The following IQCH variants were observed in gnomAD, a reference collection of about 807,000 sequenced individuals.
The protein encoded by IQCH is IQ domain-containing protein H.
A neutral mutation model predicts 117.0 loss-of-function variants in IQCH; 98 were observed. The ratio of observed to expected loss-of-function variants is 0.84; its 90% CI spans 0.71 to 0.99. IQCH has a LOEUF of 0.99. Among genes scored for constraint, IQCH ranks in the 50% least tolerant of loss-of-function variants. The pLI is 0.00. For missense variants in IQCH, 1,102 were observed against 1,243.8 expected, an observed-to-expected ratio of 0.89 and a Z score of 1.72; for synonymous variants, 412 against 448.2, an observed-to-expected ratio of 0.92 and a Z score of 1.02.
chr15:67,465,367 C>T lies in IQCH; in HGVS notation c.2676+70C>T. The T allele has an allele frequency of 6.7e-7, 1 of 1,490,884 alleles. No homozygotes were observed. The highest frequency in any genetic ancestry group is 9.2e-7 in the Non-Finnish European group (1 of 1,092,734). 92.4% of individuals were successfully genotyped at this position (1,490,884 alleles called of 1,614,324 possible). A position where few individuals can be genotyped will look rare whatever the true frequency, so the allele number is the denominator to read the frequency against. On this transcript the variant is annotated intron_variant, in intron 17 of 20. Coordinates refer to ENST00000335894, the MANE Select transcript of IQCH (RefSeq NM_001031715.3). This position sits in a 1 kb window ranked among gnomAD's most constrained non-coding sequence, Gnocchi z 5.9. ...CCCACTGCCACTGCCTGAGCTCTGT[C>T]TAGGAGCCAGGATCTTTGAGTACAG...
rs36050088 is a variant in IQCH at position 67,474,067 on chromosome 15, AGTGT to A, written c.2677-1595_2677-1592del. On this transcript the variant is annotated intron_variant, in intron 17 of 20. Coordinates refer to ENST00000335894, the MANE Select transcript of IQCH (RefSeq NM_001031715.3). The surrounding 1 kb of genome is among the most constrained non-coding windows in gnomAD (Gnocchi z 4.1). ...GTCACCAAAAGTGCCACGAAATCTGAGTGTGTGTGTGTGTGTGTGTGTGTGTGTG... is the reference window on the plus strand; with the variant it reads ...GTCACCAAAAGTGCCACGAAATCTGAGTGTGTGTGTGTGTGTGTGTGTGTG... 6.6e-3 allele frequency among the ~76,000 whole-genome samples: 909 copies of A among 138,276 alleles called. 2 individuals carry two copies. Among genetic ancestry groups the A allele is most frequent in the African/African-American group, 9.1e-3 (339 of 37,070 alleles). The allele number at this position is 138,276 out of a possible 152,430, so 90.7% of individuals were successfully genotyped here. A position where few individuals can be genotyped will look rare whatever the true frequency, so the allele number is the denominator to read the frequency against.
intron 3 of IQCH, among the ~76,000 whole-genome samples, chr15:67,269,215 A>AT (rs1965801544): frequency 6.6e-6 from 1 of 152,168 alleles, no homozygotes; most frequent in Admixed American, 6.5e-5. Context: ...ATATATTACT[A>AT]TTTTTTCTTT....
rs989474730 is a variant in IQCH at position 67,479,345 on chromosome 15, C to T, written c.2799+3527C>T. Among the ~76,000 whole-genome samples, 8 of 152,276 alleles carry T rather than the reference C, an allele frequency of 5.3e-5. No homozygotes were observed. Among genetic ancestry groups the T allele is most frequent in the Non-Finnish European group, 1.0e-4 (7 of 68,028 alleles). On this transcript the variant is annotated intron_variant, in intron 18 of 20. Coordinates refer to ENST00000335894, the MANE Select transcript of IQCH (RefSeq NM_001031715.3). This position sits in a 1 kb window ranked among gnomAD's most constrained non-coding sequence, Gnocchi z 4.6. Reference sequence around the variant, plus strand: ...ATTTTGTGGAACTGACATTTGAACCCGTAATTGTCTACAAAGTCAAGCATG... The same window carrying T: ...ATTTTGTGGAACTGACATTTGAACCTGTAATTGTCTACAAAGTCAAGCATG...
chr15:67,466,474 C>T lies in IQCH; in HGVS notation c.2676+1177C>T, dbSNP rs2082936140. The T allele has an allele frequency of 6.6e-6, 1 of 152,222 alleles. No homozygotes were observed. The highest frequency in any genetic ancestry group is 2.4e-5 in the African/African-American group (1 of 41,446). 9.4% of individuals were successfully genotyped at this position (152,222 alleles called of 1,614,324 possible). On this transcript the variant is annotated intron_variant, in intron 17 of 20. Transcript: ENST00000335894. The surrounding 1 kb of genome is among the most constrained non-coding windows in gnomAD (Gnocchi z 4.4). The stretch of plus-strand genomic sequence containing the variant: ...AACTCTAGTGATTAATGGGACCCAA[C>T]ATGAGTGTCCCAGAGATACCTTTTC...
intron 4 of IQCH, among the ~76,000 whole-genome samples, chr15:67,314,723 C>T (rs1967766239): frequency 1.3e-5 from 2 of 152,178 alleles, no homozygotes; most frequent in African/African-American, 4.8e-5. Context: ...GGCCTTCCCT[C>T]CAGGAGGTAG....
rs1969927444 is a variant in IQCH at position 67,357,266 on chromosome 15, G to C, written c.638-79G>C. On this transcript the variant is annotated intron_variant, in intron 6 of 20. Transcript: ENST00000335894. The stretch of plus-strand genomic sequence containing the variant: ...GGTGACAGAGCCATTTGACTTTCAA[G>C]GTGCAAACCCAATAGCATCCAACCA... 4 of 923,498 alleles carry C rather than the reference G, an allele frequency of 4.3e-6. No homozygotes were observed. The South Asian group carries it at 5.2e-5, about 12-fold the overall frequency. 57.2% of individuals were successfully genotyped at this position (923,498 alleles called of 1,614,324 possible).
At chr15:67,372,014 TG>T in intron 8 of IQCH, 96 bp from the exon 9 acceptor site, 2 of 1,062,126 alleles carry the variant, frequency 1.9e-6, no homozygotes, top group Non-Finnish European at 2.7e-6. Context: ...TTCCCACCAT[TG>T]AATGCTAAAT....
chr15:67,470,868 C>T (rs1403191390), intron 17 of IQCH, among the ~76,000 whole-genome samples: 4 of 152,192 alleles, frequency 2.6e-5, no homozygotes, highest in Non-Finnish European at 5.9e-5. Flanking sequence ...CATCTTTTTA[C>T]ATATACAAGT....
At chr15:67,344,244 G>A in intron 6 of IQCH, 53 bp downstream of exon 6, 2 of 1,578,196 alleles carry the variant, frequency 1.3e-6, no homozygotes, top group Non-Finnish European at 1.7e-6. Flanking sequence ...AATTATCTCT[G>A]CCCCAGATCT....
intron 3 of IQCH, among the ~76,000 whole-genome samples, chr15:67,279,094 C>T (rs1966244540): frequency 6.6e-6 from 1 of 151,948 alleles, no homozygotes; most frequent in African/African-American, 2.4e-5. Context: ...TTTTCTTTTA[C>T]CAAGAATGTT....
In IQCH at chr15:67,393,326, A is replaced by G. The variant is rs576633607; in HGVS notation, c.1633-1965A>G. Among the ~76,000 whole-genome samples the G allele has an allele frequency of 7.2e-5, 11 of 152,176 alleles. No homozygotes were observed. Among genetic ancestry groups the G allele is most frequent in the East Asian group, 1.9e-4 (1 of 5,176 alleles). ...TACTCAGGAGTTATACTCTCCGACAATTTGCAAACTGGTGCATCTGATATT... is the reference window on the plus strand; with the variant it reads ...TACTCAGGAGTTATACTCTCCGACAGTTTGCAAACTGGTGCATCTGATATT... On this transcript the variant is annotated intron_variant, in intron 12 of 20. Transcript: ENST00000335894. This position sits in a 1 kb window ranked among gnomAD's most constrained non-coding sequence, Gnocchi z 5.5.
intron 4 of IQCH, among the ~76,000 whole-genome samples, chr15:67,329,475 C>G (rs117536130): frequency 6.6e-6 from 1 of 151,764 alleles, no homozygotes; most frequent in African/African-American, 2.4e-5. Flanking sequence ...TTTATAAATT[C>G]AAAGTATCAT....
rs934043527 is a variant in IQCH, at chr15:67,426,761, C to T, written c.2505+5184C>T. 6.6e-6 allele frequency among the ~76,000 whole-genome samples: 1 copy of T among 152,024 alleles called. No homozygotes were observed. ...GGCTGAGGCAGGAGAATTGCTTGAG[C>T]TCAGGAGTTCAATACCAGCCTGGGC... On this transcript the variant is annotated intron_variant, in intron 16 of 20. Coordinates refer to ENST00000335894, the MANE Select transcript of IQCH (RefSeq NM_001031715.3). This position sits in a 1 kb window ranked among gnomAD's most constrained non-coding sequence, Gnocchi z 5.1.
chr15:67,400,110 A>C lies in IQCH; in HGVS notation c.1906-4A>C. 6.2e-7 allele frequency: 1 copy of C among 1,612,760 alleles called. No homozygotes were observed. The highest frequency in any genetic ancestry group is 8.5e-7 in the Non-Finnish European group (1 of 1,179,048). On this transcript the variant is annotated splice_polypyrimidine_tract_variant and splice_region_variant and intron_variant, in intron 13 of 20. Transcript: ENST00000335894. ...TAAATGCAGCTGTGTCTTTGGCCTC[A>C]CAGATGATAGAGCAGCTGAGTCAGC...
At chr15:67,290,090 AG>A (rs1283232188) in intron 4 of IQCH, among the ~76,000 whole-genome samples, 1 of 152,040 alleles carries the variant, frequency 6.6e-6, no homozygotes, top group Non-Finnish European at 1.5e-5. Context: ...GAAAAATAAT[AG>A]GGTTTCTTTT....
At chr15:67,262,979 A>T (rs574139258) in intron 2 of IQCH, 143 bp from the exon 3 acceptor site, 2 of 631,372 alleles carry the variant, frequency 3.2e-6, no homozygotes, top group Non-Finnish European at 2.8e-6. Context: ...GAGATGCCTA[A>T]TGATACCTTA....
chr15:67,493,376 T>C lies in IQCH; in HGVS notation c.2862-882T>C, dbSNP rs1048082829. Reference sequence around the variant, plus strand: ...GCCTACACTGAGTGACCACCTTATATAGGGAGCCCTATAATGCTACAGGAT... The same window carrying C: ...GCCTACACTGAGTGACCACCTTATACAGGGAGCCCTATAATGCTACAGGAT... On this transcript the variant is annotated intron_variant, in intron 19 of 20. Transcript: ENST00000335894. This position sits in a 1 kb window ranked among gnomAD's most constrained non-coding sequence, Gnocchi z 5.1. 1.3e-5 allele frequency among the ~76,000 whole-genome samples: 2 copies of C among 152,192 alleles called. No homozygotes were observed. The highest frequency in any genetic ancestry group is 4.8e-5 in the African/African-American group (2 of 41,454).
In IQCH at chr15:67,466,911, TAA is replaced by T. The variant is rs2082945135; in HGVS notation, c.2676+1615_2676+1616del. The T allele has an allele frequency of 6.6e-6, 1 of 152,498 alleles. No homozygotes were observed. Among genetic ancestry groups the T allele is most frequent in the Non-Finnish European group, 1.5e-5 (1 of 68,318 alleles). The allele number at this position is 152,498 out of a possible 1,614,324, so 9.4% of individuals were successfully genotyped here. The stretch of plus-strand genomic sequence containing the variant: ...CTTGAGCCCTTCTGGCCAGTGAACC[TAA>T]GTCTATGCCATTTCTGCAAGAAGCT... On this transcript the variant is annotated intron_variant, in intron 17 of 20. Coordinates refer to ENST00000335894, the MANE Select transcript of IQCH (RefSeq NM_001031715.3). This position sits in a 1 kb window ranked among gnomAD's most constrained non-coding sequence, Gnocchi z 4.4.
intron 6 of IQCH, among the ~76,000 whole-genome samples, chr15:67,345,709 G>A (rs1207781182): frequency 1.3e-5 from 2 of 152,220 alleles, no homozygotes; most frequent in Non-Finnish European, 2.9e-5. Flanking sequence ...CAGACCAGAG[G>A]AGCCTAAGGA....
Sources: allele counts gnomAD v4.1 joint callset (sites outside exome capture counted in the v4.1 genomes callset), GRCh38; gene constraint gnomAD v4.1.1; non-coding constraint Gnocchi (gnomAD v3.1); transcripts MANE v1.5; gene names NCBI Gene and HGNC (gene_info 2026-07-23, HGNC 2026-07-21).